The following INSC variants were observed in gnomAD, a reference collection of about 807,000 sequenced individuals.
INSC encodes the protein protein inscuteable homolog.
In INSC, 67 loss-of-function variants were observed where a neutral mutation model predicts 58.6. The observed-to-expected ratio is 1.14, with a 90% CI of 0.94 to 1.40. The LOEUF is 1.40. Among genes scored for constraint, INSC ranks in the 40% most tolerant of loss-of-function variants. INSC has a pLI of 0.00. For synonymous variants in INSC, 262 were observed against 276.1 expected, an observed-to-expected ratio of 0.95 and a Z score of 0.51; for missense variants, 714 against 692.0, an observed-to-expected ratio of 1.03 and a Z score of -0.36.
intron 1 of INSC, among the ~76,000 whole-genome samples, chr11:15,124,266 G>A (rs1225175509): frequency 1.3e-5 from 2 of 152,198 alleles, no homozygotes; most frequent in African/African-American, 4.8e-5. Flanking sequence ...AGATGTCACT[G>A]TGCTGGTCTA....
chr11:15,170,838 T>C (rs1188879474), intron 2 of INSC, among the ~76,000 whole-genome samples: 3 of 152,010 alleles, frequency 2.0e-5, no homozygotes, highest in African/African-American at 7.3e-5. Context: ...ATCCAGATAA[T>C]ATAGACAGGC....
At chr11:15,234,744 G>A (rs965507182) in intron 9 of INSC, among the ~76,000 whole-genome samples, 2 of 152,178 alleles carry the variant, frequency 1.3e-5, no homozygotes, top group East Asian at 1.9e-4. Flanking sequence ...AGTGTTGTGG[G>A]TGGTATCTGA....
At chr11:15,253,778 G>C in the INSC span, among the ~76,000 whole-genome samples, 1 of 152,148 alleles carries the variant, frequency 6.6e-6, no homozygotes. Flanking sequence ...TGCCTCTCCA[G>C]GCTGTGCAGT....
rs1424852161 is a variant in INSC at position 15,225,706 on chromosome 11, G to A, written c.1048G>A (p.Ala350Thr). 1 of 1,614,154 alleles carries A rather than the reference G, an allele frequency of 6.2e-7. No individual in the cohort carries two copies. Among genetic ancestry groups the A allele is most frequent in the South Asian group, 1.1e-5 (1 of 91,056 alleles). The change falls in exon 9 of 13, where the codon GCC (alanine) becomes ACC (threonine). Residue 350 changes from alanine (A) to threonine (T), a missense_variant. Physicochemically the swap from Ala to Thr is moderately conservative, Grantham distance 58. Coordinates refer to ENST00000379556, the MANE Select transcript of INSC (RefSeq NM_001042536.3). The part of the protein sequence containing the change: ...EVFLLASAAL[A>T]NITFFDTMAC... ...CTTCCTACTGGCCTCTGCGGCCCTT[G>A]CCAACATCACGTTCTTTGACACAAT...
At chr11:15,142,168 C>T (rs1848387456) in intron 1 of INSC, among the ~76,000 whole-genome samples, 1 of 152,214 alleles carries the variant, frequency 6.6e-6, no homozygotes, top group South Asian at 2.1e-4. Flanking sequence ...CCCATCTTCC[C>T]CTGGCAAAAT....
In INSC at chr11:15,243,285, G is replaced by A. The variant is rs72857790; in HGVS notation, c.1471-2627G>A. ...CACCATTCCTGCTCTTCCCCAAGGC[G>A]TTTCCCAGCTTCAAAGGCTCCCTTC... On this transcript the variant is annotated intron_variant, in intron 12 of 12. Transcript: ENST00000379556. Among the ~76,000 whole-genome samples, 133 of 152,168 alleles carry A rather than the reference G, an allele frequency of 8.7e-4. 1 individual carries two copies. The highest frequency in any genetic ancestry group is 3.4e-3 in the Middle Eastern group (1 of 292).
At chr11:15,125,550 C>A (rs1847973805) in intron 1 of INSC, among the ~76,000 whole-genome samples, 1 of 152,162 alleles carries the variant, frequency 6.6e-6, no homozygotes, top group South Asian at 2.1e-4. Context: ...ATTCATTTAT[C>A]TTTCATTTCA....
At chr11:15,151,892 T>A (rs1191221662) in intron 2 of INSC, among the ~76,000 whole-genome samples, 2 of 152,106 alleles carry the variant, frequency 1.3e-5, no homozygotes, top group Non-Finnish European at 2.9e-5. Context: ...ACAAATCATC[T>A]ATGGCATTTA....
chr11:15,259,399 C>T, the INSC span, among the ~76,000 whole-genome samples: 1 of 152,080 alleles, frequency 6.6e-6, no homozygotes, highest in Admixed American at 6.5e-5. Flanking sequence ...GAAAGCTATT[C>T]TATAGATAAT....
the INSC span, among the ~76,000 whole-genome samples, chr11:15,264,346 C>T: frequency 6.7e-6 from 1 of 150,020 alleles, no homozygotes; most frequent in Non-Finnish European, 1.5e-5. Context: ...ACTGAAGGCA[C>T]AGGAAGTTCT....
At position 15,200,855 on chromosome 11, in the gene INSC, G is replaced by A. The variant is rs778161430; in HGVS notation, c.725G>A (p.Cys242Tyr). ...EGGVVALFKVCRQDSFRCLYP... is the reference protein window; with the variant it reads ...EGGVVALFKVYRQDSFRCLYP... ...GGGGTCGTAGCACTCTTCAAGGTTT[G>A]CCGGCAGGACAGTTTCCGGTGCTTG... is the stretch of plus-strand genomic sequence containing the variant. The change falls in exon 7 of 13, where the codon TGC becomes TAC. Residue 242 changes from cysteine (C) to tyrosine (Y), a missense_variant. Coordinates refer to ENST00000379556, the MANE Select transcript of INSC (RefSeq NM_001042536.3). 1 of 1,614,026 alleles carries A rather than the reference G, an allele frequency of 6.2e-7. No homozygotes were observed. Among genetic ancestry groups the A allele is most frequent in the South Asian group, 1.1e-5 (1 of 91,070 alleles).
At chr11:15,228,634 C>T (rs774748120) in intron 9 of INSC, among the ~76,000 whole-genome samples, 1 of 152,150 alleles carries the variant, frequency 6.6e-6, no homozygotes, top group Non-Finnish European at 1.5e-5. Flanking sequence ...CTCACTGCCC[C>T]CTAAAATACT....
chr11:15,229,933 T>A (rs1218210379), intron 9 of INSC, among the ~76,000 whole-genome samples: 1 of 30,228 alleles, frequency 3.3e-5, no homozygotes, highest in Non-Finnish European at 6.2e-5. Context: ...TTTTATATAT[T>A]ATATATATAT....
At chr11:15,214,405 C>T (rs549104535) in intron 7 of INSC, among the ~76,000 whole-genome samples, 1 of 152,320 alleles carries the variant, frequency 6.6e-6, no homozygotes, top group South Asian at 2.1e-4. Context: ...GAAACCAACT[C>T]TACCTCCTTT....
chr11:15,260,907 T>A, the INSC span, among the ~76,000 whole-genome samples: 1 of 152,186 alleles, frequency 6.6e-6, no homozygotes, highest in Non-Finnish European at 1.5e-5. Context: ...CAAATTAATA[T>A]AGAGTCTAAA....
In INSC at chr11:15,190,738, A is replaced by T. The variant is rs766322155; in HGVS notation, c.617A>T (p.Tyr206Phe). Reference sequence around the variant, plus strand: ...AAAATTGATGCCTCAGACAATATCTACACCACAGAGTCCACCACAGGGAAC... The same window carrying T: ...AAAATTGATGCCTCAGACAATATCTTCACCACAGAGTCCACCACAGGGAAC... ...VRKIDASDNI[Y>F]TTESTTGNLF... Residue 206 changes from tyrosine (Y) to phenylalanine (F), a missense_variant, in exon 6 of 13, where the codon TAC becomes TTC. Coordinates refer to ENST00000379556, the MANE Select transcript of INSC (RefSeq NM_001042536.3). 25 of 1,613,808 alleles carry T rather than the reference A, an allele frequency of 1.5e-5. No homozygotes were observed. The highest frequency in any genetic ancestry group is 1.9e-5 in the Non-Finnish European group (23 of 1,179,838).
chr11:15,112,621 TGTGTGTGTG>T, upstream of INSC: 1 of 493,728 alleles, frequency 2.0e-6, no homozygotes. Context: ...TGTGTGTGTG[TGTGTGTGTG>T]TGTGTGTATT....
upstream of INSC, among the ~76,000 whole-genome samples, chr11:15,114,253 G>A (rs1415088357): frequency 7.5e-6 from 1 of 132,620 alleles, no homozygotes; most frequent in Admixed American, 7.6e-5. Flanking sequence ...GGACGGGGGT[G>A]GGGGGTGGGG....
chr11:15,236,687 C>A (rs1269992016), intron 10 of INSC, among the ~76,000 whole-genome samples: 1 of 152,172 alleles, frequency 6.6e-6, no homozygotes, highest in Non-Finnish European at 1.5e-5. Context: ...CTTCCTGTGA[C>A]TGGGAAATAA....
Sources: gnomAD v4.1 joint callset for allele counts (sites outside exome capture counted in the v4.1 genomes callset) on GRCh38, gnomAD v4.1.1 for gene constraint, MANE v1.5 for transcripts, NCBI Gene and HGNC (gene_info 2026-07-23, HGNC 2026-07-21) for gene names.